The following PKHD1L1 variants were observed in gnomAD, a reference collection of about 807,000 sequenced individuals.
PKHD1L1 encodes fibrocystin-L.
A neutral mutation model predicts 462.9 loss-of-function variants in PKHD1L1; 434 were observed. The observed-to-expected ratio is 0.94, with a 90% CI of 0.87 to 1.02. The LOEUF is 1.02. PKHD1L1 is among the 50% of genes least tolerant of loss of function. The probability of loss-of-function intolerance (pLI) is 0.00; values close to 1 mark genes in which losing one functional copy is unlikely to be tolerated. For synonymous variants in PKHD1L1, 1,781 were observed against 1,750.0 expected (o/e 1.02, Z -0.44); for missense variants, 5,202 against 5,096.1 (o/e 1.02, Z -0.63).
chr8:109,414,691 T>C (rs2349760), intron 21 of PKHD1L1, among the ~76,000 whole-genome samples: 91,117 of 151,684 alleles, frequency 0.6, 28,083 homozygotes, highest in African/African-American at 0.73. Flanking sequence ...CTCAGAACTT[T>C]CATGTGTGGA....
At chr8:109,483,365 T>G (rs1258724194) in intron 57 of PKHD1L1, among the ~76,000 whole-genome samples, 1 of 150,058 alleles carries the variant, frequency 6.7e-6, no homozygotes, top group Non-Finnish European at 1.5e-5. Flanking sequence ...TTATATATAT[T>G]TTATGACTGT....
Position 109,445,609 on chromosome 8 carries a change from G to T in PKHD1L1, c.5740G>T (p.Asp1914Tyr). 1.2e-6 allele frequency: 2 copies of T among 1,609,504 alleles called. No homozygotes were observed. Among genetic ancestry groups the T allele is most frequent in the East Asian group, 2.2e-5 (1 of 44,822 alleles). Residue 1914 changes from aspartate (D) to tyrosine (Y), a missense_variant, in exon 38 of 78, where the codon GAT becomes TAT. Physicochemically the swap from Asp to Tyr is radical, Grantham distance 160 (BLOSUM62 -3). Coordinates refer to ENST00000378402, the MANE Select transcript of PKHD1L1 (RefSeq NM_177531.6). ...PPLLFTYALEDTPFLRGIIPS... is the reference protein window; with the variant it reads ...PPLLFTYALEYTPFLRGIIPS... ...TTTGCTTTTTACATATGCCCTGGAG[G>T]ATACTCCATTTCTCAGAGGAATTAT...
In PKHD1L1 at chr8:109,475,243, T is replaced by G; in HGVS notation, c.8731T>G (p.Tyr2911Asp). The G allele has an allele frequency of 6.2e-7, 1 of 1,608,958 alleles. No individual in the cohort carries two copies. Among genetic ancestry groups the G allele is most frequent in the Non-Finnish European group, 8.5e-7 (1 of 1,176,924 alleles). Residue 2911 changes from tyrosine to aspartate, a missense_variant, in exon 51 of 78, where the codon TAT (tyrosine) becomes GAT (aspartate). Transcript: ENST00000378402. The part of the protein sequence containing the change: ...KGVDHITNIS[Y>D]TSTFYGFKEE... ...TGTGGATCACATAACCAACATTTCATATACATCGACATTCTATGGATTCAA... is the reference window on the plus strand; with the variant it reads ...TGTGGATCACATAACCAACATTTCAGATACATCGACATTCTATGGATTCAA...
Position 109,388,516 on chromosome 8 carries a change from C to A in PKHD1L1, c.589C>A (p.Pro197Thr), listed in dbSNP as rs1305424419. Residue 197 changes from proline (P) to threonine (T), a missense_variant, in exon 7 of 78, where the codon CCC becomes ACC. Physicochemically the swap from Pro to Thr is conservative, Grantham distance 38 (BLOSUM62 -1). This residue lies in a region of PKHD1L1 where 4,497 missense variants were observed against 4,336.8 expected (regional missense o/e 1.04). Coordinates refer to ENST00000378402, the MANE Select transcript of PKHD1L1 (RefSeq NM_177531.6). Reference protein sequence around the residue: ...RILRVYIGGMPCELLIPQSDN... With the variant: ...RILRVYIGGMTCELLIPQSDN... ...GTACAGAGTTTACATTGGAGGAATG[C>A]CCTGTGAGCTTCTCATACCACAATC... 1.3e-6 allele frequency: 2 copies of A among 1,518,178 alleles called. No homozygotes were observed. The highest frequency in any genetic ancestry group is 1.8e-6 in the Non-Finnish European group (2 of 1,118,434). The allele number at this position is 1,518,178 out of a possible 1,614,324, so 94.0% of individuals were successfully genotyped here. A position where few individuals can be genotyped will look rare whatever the true frequency, so the allele number is the denominator to read the frequency against.
At chr8:109,371,189 C>T (rs1014486229) in intron 2 of PKHD1L1, among the ~76,000 whole-genome samples, 15 of 152,250 alleles carry the variant, frequency 9.9e-5, no homozygotes, top group Middle Eastern at 3.4e-3. Flanking sequence ...TTTTAATGAT[C>T]GCCATTCTAA....
chr8:109,411,369 G>T (rs1813849258), intron 19 of PKHD1L1, among the ~76,000 whole-genome samples: 2 of 151,994 alleles, frequency 1.3e-5, no homozygotes, highest in Non-Finnish European at 2.9e-5. Flanking sequence ...TAATACCCTG[G>T]ATATGAATAT....
chr8:109,389,304 T>A (rs1272987968), intron 8 of PKHD1L1, among the ~76,000 whole-genome samples, 152 bp downstream of exon 8: 1 of 152,198 alleles, frequency 6.6e-6, no homozygotes, highest in African/African-American at 2.4e-5. Context: ...TGGCTTCTTT[T>A]CACTTTCATG....
chr8:109,389,192 C>T (rs1812588024), intron 8 of PKHD1L1, 40 bp downstream of exon 8: 2 of 1,491,880 alleles, frequency 1.3e-6, no homozygotes, highest in Non-Finnish European at 1.9e-6. Context: ...CTCACAGATG[C>T]CTTATTCTAT....
intron 27 of PKHD1L1, among the ~76,000 whole-genome samples, chr8:109,432,589 A>G (rs1458043080): frequency 6.6e-6 from 1 of 152,150 alleles, no homozygotes; most frequent in African/African-American, 2.4e-5. Context: ...AGGGAATGGA[A>G]GAACCTTAAG....
rs963910709 is a variant in PKHD1L1, at chr8:109,498,682, C to A, written c.10739C>A (p.Thr3580Asn). 1.9e-6 allele frequency: 3 copies of A among 1,613,826 alleles called. No individual in the cohort carries two copies. The African/African-American group carries it at 4.0e-5, about 22-fold the overall frequency. Reference sequence around the variant, plus strand: ...GGGAGAAGTGGGATTTGTTGGCCTACCTTTGCTTCAGCTCATAACATGGCA... The same window carrying A: ...GGGAGAAGTGGGATTTGTTGGCCTAACTTTGCTTCAGCTCATAACATGGCA... ...SGGRSGICWP[T>N]FASAHNMAPR... Residue 3580 changes from threonine (T) to asparagine (N), a missense_variant, in exon 67 of 78, where the codon ACC (threonine) becomes AAC (asparagine). Thr to Asn is a moderately conservative substitution (Grantham distance 65). This residue lies in a region of PKHD1L1 where 4,497 missense variants were observed against 4,336.8 expected (regional missense o/e 1.04). Coordinates refer to ENST00000378402, the MANE Select transcript of PKHD1L1 (RefSeq NM_177531.6).
intron 53 of PKHD1L1, among the ~76,000 whole-genome samples, chr8:109,478,566 G>A (rs775722780): frequency 2.6e-5 from 4 of 152,032 alleles, no homozygotes; most frequent in Admixed American, 6.6e-5. Flanking sequence ...GGAAGAGCTC[G>A]CTGCGTGAAG....
chr8:109,456,535 T>G lies in PKHD1L1; in HGVS notation c.7004+144T>G, dbSNP rs113583664. 2,786 of 746,548 alleles carry G rather than the reference T, an allele frequency of 3.7e-3. 66 individuals are homozygous for G. The African/African-American group carries it at 0.045, about 12-fold the overall frequency. 46.2% of individuals were successfully genotyped at this position (746,548 alleles called of 1,614,324 possible). On this transcript the variant is annotated intron_variant, in intron 46 of 77. Coordinates refer to ENST00000378402, the MANE Select transcript of PKHD1L1 (RefSeq NM_177531.6). ...GAAATATGAACAGCCAAATACAGAT[T>G]TGCCAAGTGTTAACATTAGGTTGAT...
rs190452270 is a variant in PKHD1L1 at position 109,456,289 on chromosome 8, G to A, written c.6902G>A (p.Arg2301His). The change falls in exon 46 of 78, where the codon CGC becomes CAC. Residue 2301 changes from arginine to histidine, a missense_variant. Arg to His is a conservative substitution (Grantham distance 29, BLOSUM62 0). This residue lies in a region of PKHD1L1 where 4,497 missense variants were observed against 4,336.8 expected (regional missense o/e 1.04). Coordinates refer to ENST00000378402, the MANE Select transcript of PKHD1L1 (RefSeq NM_177531.6). The stretch of plus-strand genomic sequence containing the variant: ...GTGCCTGTTCCTGTGACCTGGACTC[G>A]CTTGGCTCATACTGCAAAGGCAGGG... Reference protein sequence around the residue: ...HGVPVPVTWTRLAHTAKAGER... With the variant: ...HGVPVPVTWTHLAHTAKAGER... 445 of 1,612,640 alleles carry A rather than the reference G, an allele frequency of 2.8e-4. 1 individual carries two copies. The East Asian group carries it at 3.6e-3, about 13-fold the overall frequency.
At chr8:109,479,463 A>G in intron 53 of PKHD1L1, 88 bp from the exon 54 acceptor site, 1 of 887,270 alleles carries the variant, frequency 1.1e-6, no homozygotes, top group South Asian at 1.7e-5. Context: ...GTAAAATCTT[A>G]TGGGGAAATG....
At position 109,396,149 on chromosome 8, in the gene PKHD1L1, G is replaced by T; in HGVS notation, c.922+12G>T. 6.4e-7 allele frequency: 1 copy of T among 1,570,054 alleles called. No individual in the cohort carries two copies. ...AGTTCTAGTTGGAGGTATTTCTCAT[G>T]GTTTTTGATATATTACTTTATTACC... On this transcript the variant is annotated intron_variant, in intron 11 of 77. Transcript: ENST00000378402.
chr8:109,526,676 C>T lies in PKHD1L1; in HGVS notation c.12485-108C>T, dbSNP rs1280818510. 2.1e-5 allele frequency: 20 copies of T among 945,554 alleles called. No individual in the cohort carries two copies. The East Asian group carries it at 5.0e-4, about 24-fold the overall frequency. The allele number at this position is 945,554 out of a possible 1,614,324, so 58.6% of individuals were successfully genotyped here. On this transcript the variant is annotated intron_variant, in intron 76 of 77. Coordinates refer to ENST00000378402, the MANE Select transcript of PKHD1L1 (RefSeq NM_177531.6). The stretch of plus-strand genomic sequence containing the variant: ...TTTGACTCAACTTTCAAAAATATTT[C>T]ATCAGGATCTATATAGTGTTTTTCA...
chr8:109,376,473 T>C (rs1335198907), intron 2 of PKHD1L1, among the ~76,000 whole-genome samples: 1 of 152,204 alleles, frequency 6.6e-6, no homozygotes, highest in Non-Finnish European at 1.5e-5. Flanking sequence ...CTCGCCCTGC[T>C]TCGGCTCACT....
At chr8:109,379,266 C>A (rs1487109489) in intron 2 of PKHD1L1, among the ~76,000 whole-genome samples, 1 of 152,202 alleles carries the variant, frequency 6.6e-6, no homozygotes, top group Non-Finnish European at 1.5e-5. Context: ...CCGGAACTGA[C>A]CCTCCAATTA....
chr8:109,438,480 G>A, intron 31 of PKHD1L1, 24 bp downstream of exon 31: 1 of 1,522,788 alleles, frequency 6.6e-7, no homozygotes, highest in Non-Finnish European at 8.8e-7. Flanking sequence ...CAATAAGATT[G>A]GTCATTTGTC....
Sources: allele counts gnomAD v4.1 joint callset (sites outside exome capture counted in the v4.1 genomes callset), GRCh38; gene constraint gnomAD v4.1.1; regional missense constraint gnomAD v4.1.1; transcripts MANE v1.5; gene names NCBI Gene and HGNC (gene_info 2026-07-23, HGNC 2026-07-21).